CPSF7: variants seen among roughly 807,000 people sequenced by gnomAD.
The protein encoded by CPSF7 is cleavage and polyadenylation specificity factor subunit 7.
CPSF7 carries 1 observed loss-of-function variant against 44.3 expected under a neutral mutation model. The ratio of observed to expected loss-of-function variants is 0.02; its 90% CI spans 0.01 to 0.11. The LOEUF (loss-of-function observed/expected upper bound fraction) is 0.11, where lower values mean the gene tolerates loss of function less well. CPSF7 is among the 10% of genes least tolerant of loss of function. The pLI is 1.00. For synonymous variants in CPSF7, 202 were observed against 222.0 expected, an observed-to-expected ratio of 0.91 and a Z score of 0.80; for missense variants, 443 against 607.2, an observed-to-expected ratio of 0.73 and a Z score of 2.84.
chr11:61,418,326 G>A (rs1860531620), intron 5 of CPSF7, among the ~76,000 whole-genome samples: 1 of 152,150 alleles, frequency 6.6e-6, no homozygotes, highest in Admixed American at 6.5e-5. Context: ...AAATAAGGGT[G>A]GTTGGCTGTC....
At chr11:61,416,843 G>A (rs141982073) in intron 5 of CPSF7, among the ~76,000 whole-genome samples, 1 of 152,216 alleles carries the variant, frequency 6.6e-6, no homozygotes, top group Non-Finnish European at 1.5e-5. Flanking sequence ...TAGCCCACGA[G>A]AAAATGACAG....
chr11:61,411,846 G>A lies in CPSF7; in HGVS notation c.1149C>T (p.Leu383=). The A allele has an allele frequency of 6.2e-7, 1 of 1,614,068 alleles. No individual in the cohort carries two copies. The highest frequency in any genetic ancestry group is 1.3e-5 in the African/African-American group (1 of 75,052). The change falls in exon 8 of 10, where the codon CTC becomes CTT. Residue 383 remains leucine (L), a synonymous_variant. Transcript: ENST00000439958. Reference sequence around the variant, plus strand: ...GAAGACAGTCCTTAAGAGAGGAGATGAGGACACGGCAACGCTCATCATTGG... The same window carrying A: ...GAAGACAGTCCTTAAGAGAGGAGATAAGGACACGGCAACGCTCATCATTGG... ...RVANDERCRV[L]ISSLKDCLHG...
intron 7 of CPSF7, among the ~76,000 whole-genome samples, chr11:61,415,366 T>TA (rs1467836831): frequency 6.6e-5 from 10 of 152,154 alleles, no homozygotes; most frequent in Non-Finnish European, 1.5e-4. Flanking sequence ...GAGATGGAGA[T>TA]TTCCACAAGG....
intron 2 of CPSF7, 163 bp downstream of exon 2, chr11:61,429,019 G>A (rs1271113393): frequency 1.9e-6 from 1 of 513,048 alleles, no homozygotes; most frequent in Non-Finnish European, 3.5e-6. Context: ...AACATAAAGA[G>A]GAATGGAGTG....
At chr11:61,428,167 ATTTC>A (rs1172163328) in intron 2 of CPSF7, among the ~76,000 whole-genome samples, 11 of 152,190 alleles carry the variant, frequency 7.2e-5, no homozygotes, top group Admixed American at 6.5e-4. Flanking sequence ...ATGGAAGATT[ATTTC>A]TTTGAGAGAA....
At chr11:61,424,553 A>G (rs1861180250) in intron 2 of CPSF7, among the ~76,000 whole-genome samples, 1 of 152,126 alleles carries the variant, frequency 6.6e-6, no homozygotes, top group South Asian at 2.1e-4. Flanking sequence ...CCTGGGTTCA[A>G]GTGATTCTCC....
chr11:61,429,662 G>A (rs1861763174), intron 1 of CPSF7: 5 of 1,379,044 alleles, frequency 3.6e-6, no homozygotes, highest in African/African-American at 1.5e-5. Context: ...TCCGGCCAGA[G>A]CCCCCAGGTG....
At position 61,429,239 on chromosome 11, in the gene CPSF7, T is replaced by C. The variant is rs750846983; in HGVS notation, c.-4A>G. ...TCAAGTCCACTCCTTCTGACATGGCTCCGGAAGGAAGATCGCGAGTCCGGA... is the reference window on the plus strand; with the variant it reads ...TCAAGTCCACTCCTTCTGACATGGCCCCGGAAGGAAGATCGCGAGTCCGGA... On this transcript the variant is annotated 5_prime_UTR_variant, in exon 2 of 10. Coordinates refer to ENST00000439958, the MANE Select transcript of CPSF7 (RefSeq NM_001142565.3). 6.2e-7 allele frequency: 1 copy of C among 1,613,742 alleles called. No homozygotes were observed. The highest frequency in any genetic ancestry group is 1.1e-5 in the South Asian group (1 of 91,052).
chr11:61,427,074 T>G (rs11230694), intron 2 of CPSF7: 1 of 141,084 alleles, frequency 7.1e-6, no homozygotes, highest in South Asian at 2.2e-4. Flanking sequence ...AGGACCGCTC[T>G]TGTTATCTTG....
chr11:61,411,146 A>G (rs1488337076), intron 8 of CPSF7, 41 bp from the exon 9 acceptor site: 1 of 1,550,056 alleles, frequency 6.5e-7, no homozygotes. Context: ...AAGGCCTACC[A>G]CTTTCTTTCC....
chr11:61,414,315 C>A (rs1174954771), intron 7 of CPSF7, among the ~76,000 whole-genome samples: 2 of 152,020 alleles, frequency 1.3e-5, no homozygotes, highest in Non-Finnish European at 2.9e-5. Context: ...TGCCACCATG[C>A]CTGGCTTATT....
At chr11:61,420,291 T>G (rs1263059324) in intron 4 of CPSF7, among the ~76,000 whole-genome samples, 179 bp downstream of exon 4, 2 of 152,202 alleles carry the variant, frequency 1.3e-5, no homozygotes, top group African/African-American at 4.8e-5. Context: ...TCTTCGCCCC[T>G]TAACAGATGG....
In CPSF7 at chr11:61,419,979, G is replaced by A. The variant is rs867362852; in HGVS notation, c.493C>T (p.Leu165=). The A allele has an allele frequency of 1.2e-6, 2 of 1,614,074 alleles. No homozygotes were observed. The highest frequency in any genetic ancestry group is 3.3e-4 in the Middle Eastern group (2 of 6,058). Residue 165 remains leucine (L), a synonymous_variant, in exon 5 of 10, where the codon CTG becomes TTG. Coordinates refer to ENST00000439958, the MANE Select transcript of CPSF7 (RefSeq NM_001142565.3). ...CGAGCCTGTGCCTCAAACTGTGACAGGTTCTGCCGGGTGGCCGGCCTCACG... is the reference window on the plus strand; with the variant it reads ...CGAGCCTGTGCCTCAAACTGTGACAAGTTCTGCCGGGTGGCCGGCCTCACG... ...VDVRPATRQN[L]SQFEAQARKR... is the part of the protein sequence containing the mutation.
chr11:61,416,377 G>C lies in CPSF7; in HGVS notation c.666C>G (p.Ala222=). ...GTGGGGGCAGACCCATCAGGGGAAG[G>C]GCCGAAGGAGGACGATTGAAGTAGG... ...VLPYFNRPPS[A]LPLMGLPPPP... Residue 222 remains alanine (A), a synonymous_variant, in exon 6 of 10, where the codon GCC becomes GCG. Coordinates refer to ENST00000439958, the MANE Select transcript of CPSF7 (RefSeq NM_001142565.3). 6.2e-7 allele frequency: 1 copy of C among 1,612,080 alleles called. No homozygotes were observed. The highest frequency in any genetic ancestry group is 8.5e-7 in the Non-Finnish European group (1 of 1,178,904).
At chr11:61,427,575 C>T (rs1476226840) in intron 2 of CPSF7, among the ~76,000 whole-genome samples, 1 of 151,396 alleles carries the variant, frequency 6.6e-6, no homozygotes, top group African/African-American at 2.4e-5. Context: ...ATCACTTTAA[C>T]CTGGGAGGCA....
At position 61,429,254 on chromosome 11, in the gene CPSF7, G is replaced by GC; in HGVS notation, c.-20dup. 6.2e-7 allele frequency: 1 copy of GC among 1,613,372 alleles called. No homozygotes were observed. The highest frequency in any genetic ancestry group is 8.5e-7 in the Non-Finnish European group (1 of 1,179,368). ...CTGACATGGCTCCGGAAGGAAGATCGCGAGTCCGGAGGATGGACAAAGTAA... is the reference window on the plus strand; with the variant it reads ...CTGACATGGCTCCGGAAGGAAGATCGCCGAGTCCGGAGGATGGACAAAGTAA... On this transcript the variant is annotated 5_prime_UTR_variant, in exon 2 of 10. Coordinates refer to ENST00000439958, the MANE Select transcript of CPSF7 (RefSeq NM_001142565.3).
intron 5 of CPSF7, among the ~76,000 whole-genome samples, chr11:61,417,092 T>C (rs1005537220): frequency 5.3e-5 from 8 of 152,048 alleles, no homozygotes; most frequent in African/African-American, 1.9e-4. Flanking sequence ...GAGACACACA[T>C]GAAGACTAGA....
At chr11:61,416,017 G>A (rs944200104) in intron 6 of CPSF7, 88 bp downstream of exon 6, 1 of 1,212,552 alleles carries the variant, frequency 8.2e-7, no homozygotes, top group Non-Finnish European at 1.1e-6. Flanking sequence ...AAAGAACAAG[G>A]ATTCAGTGCT....
intron 2 of CPSF7, among the ~76,000 whole-genome samples, chr11:61,422,340 GT>G (rs1860960099): frequency 6.6e-6 from 1 of 151,024 alleles, no homozygotes; most frequent in Non-Finnish European, 1.5e-5. Context: ...TTGAGACAGG[GT>G]CTCACTTTGT....
Sources: gnomAD v4.1 joint callset for allele counts (sites outside exome capture counted in the v4.1 genomes callset) on GRCh38, gnomAD v4.1.1 for gene constraint, MANE v1.5 for transcripts, NCBI Gene and HGNC (gene_info 2026-07-23, HGNC 2026-07-21) for gene names.